The following SP110 variants were observed in gnomAD, a reference collection of about 807,000 sequenced individuals.
SP110 encodes SP110 nuclear body protein, also known as interferon-induced protein 41, 30kD.
SP110 carries 62 observed loss-of-function variants against 92.7 expected under a neutral mutation model. The ratio of observed to expected loss-of-function variants is 0.67; its 90% CI spans 0.55 to 0.83. The LOEUF (loss-of-function observed/expected upper bound fraction) is 0.83, where lower values mean the gene tolerates loss of function less well. Among genes scored for constraint, SP110 ranks in the 40% least tolerant of loss-of-function variants. The pLI is 0.00. For synonymous variants in SP110, 273 were observed against 305.3 expected (o/e 0.89, Z 1.10); for missense variants, 793 against 863.9 (o/e 0.92, Z 1.03).
At chr2:230,193,763 C>CTAT (rs1009538029) in intron 10 of SP110, among the ~76,000 whole-genome samples, 1 of 152,128 alleles carries the variant, frequency 6.6e-6, no homozygotes, top group African/African-American at 2.4e-5. Flanking sequence ...ATTTCCCTGA[C>CTAT]TATTACATCA....
intron 10 of SP110, among the ~76,000 whole-genome samples, chr2:230,191,392 T>C (rs945656334): frequency 6.6e-6 from 1 of 151,380 alleles, no homozygotes; most frequent in Admixed American, 6.6e-5. Flanking sequence ...TCACTAGCCA[T>C]ATTAATAAAG....
chr2:230,183,449 T>A, intron 12 of SP110, 123 bp downstream of exon 12: 1 of 782,004 alleles, frequency 1.3e-6, no homozygotes, highest in Non-Finnish European at 2.3e-6. Flanking sequence ...CTGGTACCCA[T>A]GACGGTGGAG....
upstream of SP110, among the ~76,000 whole-genome samples, chr2:230,221,979 G>C (rs1427504761): frequency 7.9e-5 from 12 of 152,236 alleles, no homozygotes; most frequent in Non-Finnish European, 1.0e-4. Flanking sequence ...AGCTTAGCTA[G>C]CACTTTGGGA....
intron 10 of SP110, among the ~76,000 whole-genome samples, chr2:230,199,132 T>C (rs1322536038): frequency 7.6e-6 from 1 of 131,574 alleles, no homozygotes; most frequent in Non-Finnish European, 1.5e-5. Flanking sequence ...TAGCTACTAT[T>C]ATTATTATTA....
At chr2:230,169,744 G>A (rs1273636713) in intron 18 of SP110, among the ~76,000 whole-genome samples, 2 of 152,312 alleles carry the variant, frequency 1.3e-5, no homozygotes, top group African/African-American at 4.8e-5. Context: ...AGGCGATTTA[G>A]ACTGAAGGGT....
chr2:230,214,996 CA>C lies in SP110; in HGVS notation c.269del (p.Leu90ArgfsTer8). On this transcript the variant is annotated frameshift_variant, in exon 3 of 19. Coordinates refer to ENST00000258381, the MANE Select transcript of SP110 (RefSeq NM_080424.4). LOFTEE classifies it high-confidence loss of function. The stretch of plus-strand genomic sequence containing the variant: ...TCGTCACCAGATTGGGATATTCACG[CA>C]GGTTAATTTGACTGAACAATGTCAC... ...LLVTLFSQINLREYPNLVTIY... is the reference protein window; with the variant it reads ...LLVTLFSQINXREYPNLVTIY... The C allele has an allele frequency of 3.7e-6, 6 of 1,614,032 alleles. No homozygotes were observed. The highest frequency in any genetic ancestry group is 5.1e-6 in the Non-Finnish European group (6 of 1,179,900).
intron 8 of SP110, among the ~76,000 whole-genome samples, chr2:230,206,794 T>G (rs907554415): frequency 6.6e-6 from 1 of 151,534 alleles, no homozygotes; most frequent in Admixed American, 6.6e-5. Context: ...CCCAGAAACA[T>G]TTTCCTCTTC....
chr2:230,200,718 G>C (rs2043091644), intron 10 of SP110, 167 bp downstream of exon 10: 1 of 655,272 alleles, frequency 1.5e-6, no homozygotes, highest in African/African-American at 1.8e-5. Flanking sequence ...ATTTGTAGTA[G>C]TAAATATCAT....
At chr2:230,203,157 G>T in intron 8 of SP110, 1 of 224,584 alleles carries the variant, frequency 4.5e-6, no homozygotes, top group Non-Finnish European at 9.0e-6. Flanking sequence ...CCTTCAGTGG[G>T]CAAAGTGCAA....
In SP110 at chr2:230,216,885, G is replaced by A; in HGVS notation, c.43C>T (p.His15Tyr). The change falls in exon 2 of 19, where the codon CAC becomes TAC. Residue 15 changes from histidine (H) to tyrosine (Y), a missense_variant. Physicochemically the swap from His to Tyr is moderately conservative, Grantham distance 83 (BLOSUM62 2). Transcript: ENST00000258381. Reference sequence around the variant, plus strand: ...ATCCCCAGCTTCTGGTGCATGAAGTGCTGAAAAAGAGCCTCTTCCATGGCT... The same window carrying A: ...ATCCCCAGCTTCTGGTGCATGAAGTACTGAAAAAGAGCCTCTTCCATGGCT... ...TRAMEEALFQ[H>Y]FMHQKLGIAY... 6.2e-7 allele frequency: 1 copy of A among 1,613,994 alleles called. No homozygotes were observed. The highest frequency in any genetic ancestry group is 1.1e-5 in the South Asian group (1 of 91,084).
At chr2:230,220,288 AC>A (rs780816527), upstream of SP110, among the ~76,000 whole-genome samples, 1 of 152,088 alleles carries the variant, frequency 6.6e-6, no homozygotes, top group Non-Finnish European at 1.5e-5. Flanking sequence ...TTTTCCCATG[AC>A]TTGTCCTCAT....
chr2:230,172,450 C>T (rs1442181654), intron 15 of SP110: 1 of 557,798 alleles, frequency 1.8e-6, no homozygotes. Context: ...AGGAACCCTG[C>T]CTGCCAGGCT....
At chr2:230,207,965 A>G in intron 8 of SP110, 26 bp downstream of exon 8, 2 of 1,216,828 alleles carry the variant, frequency 1.6e-6, no homozygotes, top group Non-Finnish European at 1.2e-6. Flanking sequence ...TCCAGCCTCC[A>G]GCTTCCTCTT....
chr2:230,166,350 G>A lies in SP110; in HGVS notation c.*2774C>T, dbSNP rs1343329308. 6.6e-6 allele frequency among the ~76,000 whole-genome samples: 1 copy of A among 152,162 alleles called. No homozygotes were observed. Among genetic ancestry groups the A allele is most frequent in the Non-Finnish European group, 1.5e-5 (1 of 68,042 alleles). On this transcript the variant is annotated 3_prime_UTR_variant, in exon 19 of 19. Coordinates refer to ENST00000258381, the MANE Select transcript of SP110 (RefSeq NM_080424.4). ...CCACTGTCTCTCCAGTGAACTCTGG[G>A]TCACACACTTTTGGTTAATTTAAAA... is the stretch of plus-strand genomic sequence containing the variant.
chr2:230,183,577 C>T lies in SP110; in HGVS notation c.1343G>A (p.Arg448Gln), dbSNP rs201853984. 1.9e-5 allele frequency: 30 copies of T among 1,608,796 alleles called. No individual in the cohort carries two copies. Among genetic ancestry groups the T allele is most frequent in the Admixed American group, 1.8e-4 (11 of 59,996 alleles). The change falls in exon 12 of 19, where the codon CGA (arginine) becomes CAA (glutamine). Residue 448 changes from arginine (R) to glutamine (Q), a missense_variant. Physicochemically the swap from Arg to Gln is conservative, Grantham distance 43. Coordinates refer to ENST00000258381, the MANE Select transcript of SP110 (RefSeq NM_080424.4). ...SKRRFQKNIH[R>Q]RGKPKSDTVD... is the part of the protein sequence containing the mutation. ...GCTGTGGCTTGCTTGCTTACCTCTT[C>T]GGTGAATATTTTTCTGAAATCTCCT...
In SP110 at chr2:230,176,749, A is replaced by G. The variant is rs372463661; in HGVS notation, c.1590+789T>C. ...TCTGAAAGACAGAAGGAGTCAATGA[A>G]TGAGGTTATTCTGGAGGTTTTTCTT... On this transcript the variant is annotated intron_variant, in intron 14 of 18. Transcript: ENST00000258381. 10 of 1,613,562 alleles carry G rather than the reference A, an allele frequency of 6.2e-6. No homozygotes were observed. The African/African-American group carries it at 1.1e-4, about 17-fold the overall frequency.
intron 7 of SP110, 147 bp downstream of exon 7, chr2:230,209,784 G>A (rs1168824199): frequency 1.4e-6 from 1 of 702,140 alleles, no homozygotes; most frequent in East Asian, 2.5e-5. Flanking sequence ...TTTGGAAGAT[G>A]CAGCAAATGG....
At chr2:230,193,159 T>C (rs1197920184) in intron 10 of SP110, among the ~76,000 whole-genome samples, 2 of 152,186 alleles carry the variant, frequency 1.3e-5, no homozygotes, top group Non-Finnish European at 2.9e-5. Context: ...TTATCTGATA[T>C]GAGAAAAGCT....
chr2:230,214,328 A>G (rs949357569), intron 3 of SP110, among the ~76,000 whole-genome samples: 2 of 151,972 alleles, frequency 1.3e-5, no homozygotes, highest in African/African-American at 2.4e-5. Flanking sequence ...TGGCTTTACA[A>G]TCTGCCTTCC....
Sources: gnomAD v4.1 joint callset for allele counts (sites outside exome capture counted in the v4.1 genomes callset) on GRCh38, gnomAD v4.1.1 for gene constraint, MANE v1.5 for transcripts, NCBI Gene and HGNC (gene_info 2026-07-23, HGNC 2026-07-21) for gene names.